The following GPC5 variants were observed in gnomAD, a reference collection of about 807,000 sequenced individuals.
The protein encoded by GPC5 is glypican 5, also known as glypican-5.
Under a neutral mutation model 53.9 loss-of-function variants are expected in GPC5, and 47 were observed. The ratio of observed to expected loss-of-function variants is 0.87; its 90% CI spans 0.69 to 1.11. The LOEUF (loss-of-function observed/expected upper bound fraction) is 1.11, where lower values mean the gene tolerates loss of function less well. GPC5 is among the 50% of genes most tolerant of loss of function. The probability of loss-of-function intolerance (pLI) is 0.00; values close to 1 mark genes in which losing one functional copy is unlikely to be tolerated. For synonymous variants in GPC5, 286 were observed against 263.3 expected, an observed-to-expected ratio of 1.09 and a Z score of -0.84; for missense variants, 748 against 713.1, an observed-to-expected ratio of 1.05 and a Z score of -0.56.
intron 7 of GPC5, among the ~76,000 whole-genome samples, chr13:92,323,701 A>G (rs1017901559): frequency 2.0e-5 from 3 of 152,018 alleles, no homozygotes; most frequent in African/African-American, 7.2e-5. Flanking sequence ...ATGATTGTTT[A>G]TGCATGATTC....
chr13:92,262,155 G>A (rs1456580282), intron 7 of GPC5, among the ~76,000 whole-genome samples: 1 of 152,070 alleles, frequency 6.6e-6, no homozygotes, highest in Non-Finnish European at 1.5e-5. Context: ...TTCTCTGCAG[G>A]TCCTTGTACT....
At chr13:92,200,524 A>T (rs1012698886) in intron 7 of GPC5, among the ~76,000 whole-genome samples, 1 of 152,236 alleles carries the variant, frequency 6.6e-6, no homozygotes, top group Non-Finnish European at 1.5e-5. Flanking sequence ...CTAGAAAATT[A>T]TAACAGTTGA....
chr13:91,471,489 A>G (rs956140587), intron 2 of GPC5, among the ~76,000 whole-genome samples: 19 of 152,254 alleles, frequency 1.2e-4, no homozygotes, highest in Admixed American at 3.3e-4. Flanking sequence ...ACTGGGATAT[A>G]CTTTTTCAGG....
chr13:91,612,881 C>A (rs1264608363), intron 2 of GPC5, among the ~76,000 whole-genome samples: 1 of 152,144 alleles, frequency 6.6e-6, no homozygotes, highest in African/African-American at 2.4e-5. Context: ...CACAGAACAT[C>A]TGTCCATATC....
At chr13:91,496,994 T>C (rs1178644772) in intron 2 of GPC5, among the ~76,000 whole-genome samples, 3 of 152,174 alleles carry the variant, frequency 2.0e-5, no homozygotes, top group African/African-American at 7.2e-5. Flanking sequence ...CTTCAAATAG[T>C]TATTGCTTTT....
In GPC5 at chr13:92,315,050, T is replaced by C. The variant is rs142861070; in HGVS notation, c.1561+170061T>C. On this transcript the variant is annotated intron_variant, in intron 7 of 7. Coordinates refer to ENST00000377067, the MANE Select transcript of GPC5 (RefSeq NM_004466.6). ...CCTCGGCCTCTCAAAGTGCTGGGAT[T>C]ACAGGTATGAGCCACTGCTCCTGGC... Among the ~76,000 whole-genome samples the C allele has an allele frequency of 2.3e-3, 356 of 152,302 alleles. 4 individuals are homozygous for C. The highest frequency in any genetic ancestry group is 8.3e-3 in the African/African-American group (345 of 41,574).
chr13:91,614,480 C>T (rs2033642388), intron 2 of GPC5, among the ~76,000 whole-genome samples: 4 of 152,026 alleles, frequency 2.6e-5, no homozygotes, highest in Admixed American at 2.6e-4. Flanking sequence ...TACAGGTGCA[C>T]ACTACTGTGC....
intron 6 of GPC5, among the ~76,000 whole-genome samples, chr13:91,936,379 A>G (rs1444932624): frequency 3.3e-5 from 5 of 152,002 alleles, no homozygotes; most frequent in Non-Finnish European, 5.9e-5. Flanking sequence ...GGTAACCTAT[A>G]ACGTTTCTGC....
chr13:92,373,289 G>A (rs1926606), intron 7 of GPC5, among the ~76,000 whole-genome samples: 147,784 of 152,310 alleles, frequency 0.97, 71,708 homozygotes, highest in East Asian at 1. Flanking sequence ...AGAAAAATGG[G>A]TAGTATATTT....
intron 2 of GPC5, among the ~76,000 whole-genome samples, chr13:91,617,785 T>C (rs1436659166): frequency 6.6e-6 from 1 of 152,062 alleles, no homozygotes; most frequent in Non-Finnish European, 1.5e-5. Context: ...AGTCTGAAAA[T>C]TGTTTCTGTA....
intron 7 of GPC5, among the ~76,000 whole-genome samples, chr13:92,634,757 T>C (rs1227371408): frequency 6.6e-6 from 1 of 152,050 alleles, no homozygotes; most frequent in Non-Finnish European, 1.5e-5. Context: ...CCCCTTTCCC[T>C]TGGATCCTAA....
chr13:92,545,861 T>G (rs553509478), intron 7 of GPC5, among the ~76,000 whole-genome samples: 11 of 152,256 alleles, frequency 7.2e-5, no homozygotes, highest in South Asian at 6.2e-4. Context: ...TTTCTCCCAT[T>G]TTGTAGGTTG....
At chr13:92,452,766 A>G (rs1276195210) in intron 7 of GPC5, among the ~76,000 whole-genome samples, 1 of 152,196 alleles carries the variant, frequency 6.6e-6, no homozygotes, top group Admixed American at 6.5e-5. Flanking sequence ...ACGGGGTTTC[A>G]CCGTGTTGCC....
At chr13:92,456,780 A>G (rs145239178) in intron 7 of GPC5, among the ~76,000 whole-genome samples, 3 of 152,092 alleles carry the variant, frequency 2.0e-5, no homozygotes, top group African/African-American at 7.2e-5. Flanking sequence ...CTCACAGTCT[A>G]TCTCTTACAT....
At chr13:92,381,535 C>G (rs2043738812) in intron 7 of GPC5, among the ~76,000 whole-genome samples, 1 of 152,052 alleles carries the variant, frequency 6.6e-6, no homozygotes, top group South Asian at 2.1e-4. Context: ...ACAGGGAACA[C>G]TTCTACACTG....
intron 6 of GPC5, among the ~76,000 whole-genome samples, chr13:92,001,784 T>G (rs1357293774): frequency 2.0e-5 from 3 of 152,244 alleles, no homozygotes; most frequent in African/African-American, 4.8e-5. Flanking sequence ...TTTTTCTTAT[T>G]GCAATAAAGA....
chr13:91,490,816 T>C (rs1412775771), intron 2 of GPC5, among the ~76,000 whole-genome samples: 1 of 152,196 alleles, frequency 6.6e-6, no homozygotes, highest in Non-Finnish European at 1.5e-5. Flanking sequence ...TGTTTCTTCT[T>C]TTTATTTTGA....
chr13:92,208,078 C>G (rs1371777447), intron 7 of GPC5, among the ~76,000 whole-genome samples: 2 of 152,178 alleles, frequency 1.3e-5, no homozygotes, highest in Middle Eastern at 6.3e-3. Flanking sequence ...AGGAATAGGT[C>G]TGAATTCAGC....
chr13:92,223,541 C>T (rs1207113616), intron 7 of GPC5, among the ~76,000 whole-genome samples: 1 of 151,922 alleles, frequency 6.6e-6, no homozygotes, highest in Non-Finnish European at 1.5e-5. Flanking sequence ...ACAACTTCTA[C>T]AATTGGGTTA....
Sources: gnomAD v4.1 joint callset for allele counts (sites outside exome capture counted in the v4.1 genomes callset) on GRCh38, gnomAD v4.1.1 for gene constraint, MANE v1.5 for transcripts, NCBI Gene and HGNC (gene_info 2026-07-23, HGNC 2026-07-21) for gene names.